SLC38A8: variants seen among roughly 807,000 people sequenced by gnomAD.
SLC38A8 encodes solute carrier family 38 member 8, also known as amino acid transporter SLC38A8.
A neutral mutation model predicts 46.0 loss-of-function variants in SLC38A8; 65 were observed. The ratio of observed to expected loss-of-function variants is 1.41; its 90% CI spans 1.16 to 1.74. The LOEUF is 1.74. SLC38A8 is among the 40% of genes most tolerant of loss of function. SLC38A8 has a pLI of 0.00. For missense variants in SLC38A8, 998 were observed against 567.9 expected (o/e 1.76, Z -7.70); for synonymous variants, 447 against 243.7 (o/e 1.83, Z -7.77).
chr16:84,032,403 G>A (rs1000689357), intron 4 of SLC38A8, among the ~76,000 whole-genome samples: 5 of 152,164 alleles, frequency 3.3e-5, no homozygotes, highest in African/African-American at 4.8e-5. Context: ...TGGTCAGGCT[G>A]GTTTTGAACT....
chr16:84,034,435 G>A (rs956416076), intron 3 of SLC38A8, among the ~76,000 whole-genome samples: 1 of 152,224 alleles, frequency 6.6e-6, no homozygotes, highest in Middle Eastern at 3.2e-3. Context: ...AGACAGATGG[G>A]GGAGGGGAAA....
intron 4 of SLC38A8, 65 bp from the exon 5 acceptor site, chr16:84,032,033 G>T (rs2085246490): frequency 1.4e-6 from 2 of 1,392,862 alleles, no homozygotes. Context: ...CACGGGGACA[G>T]TAGTGGGATC....
At chr16:84,024,713 A>G (rs756774969) in intron 6 of SLC38A8, among the ~76,000 whole-genome samples, 1 of 151,664 alleles carries the variant, frequency 6.6e-6, no homozygotes, top group Non-Finnish European at 1.5e-5. Flanking sequence ...CCTGGGAGGC[A>G]GAGTCTCGCT....
At chr16:84,015,936 C>T (rs947308727) in intron 9 of SLC38A8, among the ~76,000 whole-genome samples, 4 of 152,212 alleles carry the variant, frequency 2.6e-5, no homozygotes, top group African/African-American at 9.7e-5. Flanking sequence ...GCCTCGGCCT[C>T]CCAAAGTGCT....
intron 3 of SLC38A8, among the ~76,000 whole-genome samples, chr16:84,034,245 C>G (rs1297133580): frequency 1.3e-5 from 2 of 152,234 alleles, no homozygotes; most frequent in African/African-American, 4.8e-5. Flanking sequence ...AAGGCCAGAC[C>G]CAGAATGGGC....
At chr16:84,019,581 C>T (rs184190899) in intron 7 of SLC38A8, among the ~76,000 whole-genome samples, 89 of 152,328 alleles carry the variant, frequency 5.8e-4, no homozygotes, top group Admixed American at 5.8e-3. Flanking sequence ...CAAACCACAG[C>T]ATTCTGTCCC....
At position 84,022,669 on chromosome 16, in the gene SLC38A8, G is replaced by C. The variant is rs74032395; in HGVS notation, c.805+106C>G. On this transcript the variant is annotated intron_variant, in intron 7 of 10. Coordinates refer to ENST00000299709, the MANE Select transcript of SLC38A8 (RefSeq NM_001080442.3). Reference sequence around the variant, plus strand: ...TTAAATAAGATGCTCAAAACATTGAGTATTGAGCCCAGCACGTGGTAAACT... The same window carrying C: ...TTAAATAAGATGCTCAAAACATTGACTATTGAGCCCAGCACGTGGTAAACT... The C allele has an allele frequency of 9.5e-4, 783 of 823,864 alleles. 2 individuals carry two copies. In the African/African-American group the frequency reaches 0.012, roughly 13 times the overall value. 51.0% of individuals were successfully genotyped at this position (823,864 alleles called of 1,614,324 possible). A position where few individuals can be genotyped will look rare whatever the true frequency, so the allele number is the denominator to read the frequency against.
intron 10 of SLC38A8, among the ~76,000 whole-genome samples, chr16:84,012,630 G>A (rs1246372181): frequency 6.6e-6 from 1 of 152,226 alleles, no homozygotes; most frequent in Non-Finnish European, 1.5e-5. Flanking sequence ...TGATGATGGT[G>A]TCTGGCCGGC....
Position 84,016,560 on chromosome 16 carries a change from A to G in SLC38A8, c.1121T>C (p.Ile374Thr). Residue 374 changes from isoleucine to threonine, a missense_variant, in exon 9 of 11, where the codon ATC (isoleucine) becomes ACC (threonine). Coordinates refer to ENST00000299709, the MANE Select transcript of SLC38A8 (RefSeq NM_001080442.3). ...GAAGAAGGAACTGATGCCTCCGATG[A>G]TGCTGACGATCTCGCTGAGGTCAGG... ...FMPDLSEIVSIIGGISSFFIF... is the reference protein window; with the variant it reads ...FMPDLSEIVSTIGGISSFFIF... 1 of 1,614,132 alleles carries G rather than the reference A, an allele frequency of 6.2e-7. No individual in the cohort carries two copies. Among genetic ancestry groups the G allele is most frequent in the Non-Finnish European group, 8.5e-7 (1 of 1,180,028 alleles).
chr16:84,042,869 C>T (rs879880293), upstream of SLC38A8, among the ~76,000 whole-genome samples: 2 of 144,194 alleles, frequency 1.4e-5, no homozygotes, highest in Admixed American at 1.4e-4. Context: ...GCAGGCCCGG[C>T]CCCGGGGGTG....
intron 7 of SLC38A8, among the ~76,000 whole-genome samples, chr16:84,018,301 C>G (rs1192332014): frequency 2.2e-5 from 3 of 138,826 alleles, no homozygotes; most frequent in African/African-American, 8.1e-5. Context: ...GGCACGATCT[C>G]GGCTCACTGC....
chr16:84,024,882 T>C (rs2085143532), intron 6 of SLC38A8, among the ~76,000 whole-genome samples: 1 of 151,946 alleles, frequency 6.6e-6, no homozygotes, highest in African/African-American at 2.4e-5. Flanking sequence ...GGTTTCACCA[T>C]GTTGTCCAGG....
intron 6 of SLC38A8, among the ~76,000 whole-genome samples, chr16:84,024,925 C>A (rs988759047): frequency 2.0e-5 from 3 of 152,160 alleles, no homozygotes; most frequent in African/African-American, 7.2e-5. Flanking sequence ...AAGTGATCCT[C>A]CCACCTCGGC....
In SLC38A8 at chr16:84,042,112, G is replaced by A. The variant is rs763602283; in HGVS notation, c.46C>T (p.His16Tyr). ...AGAGTGGCAGCAGCCGTGGCAGGGT[G>A]AGGCTTTTCTGGAAGGCCCCTGCTT... ...PGSRGLPEKPHPATAAATLSS... is the reference protein window; with the variant it reads ...PGSRGLPEKPYPATAAATLSS... Residue 16 changes from histidine (H) to tyrosine (Y), a missense_variant, in exon 2 of 11, where the codon CAC becomes TAC. His to Tyr is a moderately conservative substitution (Grantham distance 83, BLOSUM62 2). Coordinates refer to ENST00000299709, the MANE Select transcript of SLC38A8 (RefSeq NM_001080442.3). The A allele has an allele frequency of 1.2e-6, 2 of 1,613,882 alleles. No homozygotes were observed. The highest frequency in any genetic ancestry group is 1.3e-5 in the African/African-American group (1 of 75,034).
At chr16:84,018,075 A>C (rs1249135323) in intron 7 of SLC38A8, among the ~76,000 whole-genome samples, 1 of 152,138 alleles carries the variant, frequency 6.6e-6, no homozygotes, top group African/African-American at 2.4e-5. Context: ...TCATAAAGAA[A>C]AGAAACTTAC....
At chr16:84,013,175 G>T in intron 9 of SLC38A8, 123 bp from the exon 10 acceptor site, 2 of 1,046,474 alleles carry the variant, frequency 1.9e-6, no homozygotes, top group Non-Finnish European at 2.8e-6. Flanking sequence ...GGTGCCCCTG[G>T]CTCAGGCCCC....
At chr16:84,019,728 A>G (rs2085073672) in intron 7 of SLC38A8, among the ~76,000 whole-genome samples, 1 of 152,232 alleles carries the variant, frequency 6.6e-6, no homozygotes, top group Admixed American at 6.5e-5. Context: ...AGCCTGTGAA[A>G]TCAAAAGCAA....
At chr16:84,027,900 C>G (rs951869682) in intron 6 of SLC38A8, among the ~76,000 whole-genome samples, 1 of 152,184 alleles carries the variant, frequency 6.6e-6, no homozygotes, top group African/African-American at 2.4e-5. Flanking sequence ...TCCAGACAAA[C>G]AGTTGACAGC....
At chr16:84,028,357 G>C (rs2085190913) in intron 6 of SLC38A8, among the ~76,000 whole-genome samples, 1 of 152,036 alleles carries the variant, frequency 6.6e-6, no homozygotes, top group African/African-American at 2.4e-5. Flanking sequence ...GAGGAGGGCA[G>C]ATCGCTTGAC....
Sources: allele counts gnomAD v4.1 joint callset (sites outside exome capture counted in the v4.1 genomes callset), GRCh38; gene constraint gnomAD v4.1.1; transcripts MANE v1.5; gene names NCBI Gene and HGNC (gene_info 2026-07-23, HGNC 2026-07-21).